The following GRAMD1B variants were observed in gnomAD, a reference collection of about 807,000 sequenced individuals.
The protein encoded by GRAMD1B is protein Aster-B.
GRAMD1B carries 37 observed loss-of-function variants against 99.7 expected under a neutral mutation model. The observed-to-expected ratio is 0.37, with a 90% CI of 0.29 to 0.49. The LOEUF is 0.49. Among genes scored for constraint, GRAMD1B ranks in the 20% least tolerant of loss-of-function variants. GRAMD1B has a pLI of 0.98. For synonymous variants in GRAMD1B, 427 were observed against 387.6 expected (o/e 1.10, Z -1.19); for missense variants, 888 against 1,009.2 (o/e 0.88, Z 1.63).
chr11:123,586,481 T>C (rs895037283), intron 4 of GRAMD1B, among the ~76,000 whole-genome samples: 5 of 152,184 alleles, frequency 3.3e-5, no homozygotes, highest in Non-Finnish European at 7.3e-5. Flanking sequence ...CACAAGGGGC[T>C]CTTTGCTGAG....
chr11:123,495,022 A>G (rs1939069785), intron 2 of GRAMD1B, among the ~76,000 whole-genome samples: 1 of 151,996 alleles, frequency 6.6e-6, no homozygotes, highest in Non-Finnish European at 1.5e-5. Context: ...CTAGGTATTG[A>G]GGAAGTCATT....
At chr11:123,379,340 G>A (rs1435022947) in intron 1 of GRAMD1B, among the ~76,000 whole-genome samples, 8 of 152,098 alleles carry the variant, frequency 5.3e-5, no homozygotes, top group African/African-American at 1.7e-4. Flanking sequence ...TACCTGACAA[G>A]GCAGGCCATT....
intron 2 of GRAMD1B, among the ~76,000 whole-genome samples, chr11:123,552,591 G>T (rs964155702): frequency 3.3e-5 from 5 of 152,160 alleles, no homozygotes; most frequent in Non-Finnish European, 7.4e-5. Flanking sequence ...AAACCAAAAA[G>T]ATTACAGTAA....
rs780409933 is a variant in GRAMD1B, at chr11:123,622,548, C to T, written c.2587C>T (p.Arg863Cys). The part of the protein sequence containing the change: ...LINLQNGIRS[R>C]DYTSESEEKR... ...CAACCTTCAGAACGGCATCAGGTCC[C>T]GCGACTACACGTCGGAAAGTGAAGA... Residue 863 changes from arginine to cysteine, a missense_variant, in exon 20 of 20, where the codon CGC becomes TGC. Around this residue, in one of 5 missense-constraint regions of GRAMD1B, gnomAD observed 232 missense variants for 261.7 expected, o/e 0.89. Coordinates refer to ENST00000635736, the MANE Select transcript of GRAMD1B (RefSeq NM_001387025.1). The T allele has an allele frequency of 4.5e-6, 7 of 1,557,706 alleles. No homozygotes were observed. Among genetic ancestry groups the T allele is most frequent in the Admixed American group, 3.8e-5 (2 of 52,008 alleles).
chr11:123,472,611 G>A (rs940923240), intron 1 of GRAMD1B, among the ~76,000 whole-genome samples: 1 of 152,192 alleles, frequency 6.6e-6, no homozygotes, highest in African/African-American at 2.4e-5. Flanking sequence ...CACCCAAATG[G>A]GAATTACGCC....
chr11:123,398,762 A>G (rs919648323), intron 1 of GRAMD1B, among the ~76,000 whole-genome samples: 1 of 152,152 alleles, frequency 6.6e-6, no homozygotes, highest in Non-Finnish European at 1.5e-5. Flanking sequence ...AAACAACTTT[A>G]GTGCGGTATG....
chr11:123,591,624 C>T lies in GRAMD1B; in HGVS notation c.685-2458C>T, dbSNP rs1417387770. The T allele has an allele frequency of 1.0e-5, 4 of 397,602 alleles. No individual in the cohort carries two copies. The highest frequency in any genetic ancestry group is 3.6e-5 in the East Asian group (1 of 28,036). 24.6% of individuals were successfully genotyped at this position (397,602 alleles called of 1,614,324 possible). A position where few individuals can be genotyped will look rare whatever the true frequency, so the allele number is the denominator to read the frequency against. Reference sequence around the variant, plus strand: ...CCACTTGGCTCTCCTACCCGAAGGCCCCAGATTTGACAATCTTGGAACCGA... The same window carrying T: ...CCACTTGGCTCTCCTACCCGAAGGCTCCAGATTTGACAATCTTGGAACCGA... On this transcript the variant is annotated intron_variant, in intron 4 of 19. Coordinates refer to ENST00000635736, the MANE Select transcript of GRAMD1B (RefSeq NM_001387025.1). The surrounding 1 kb of genome is among the most constrained non-coding windows in gnomAD (Gnocchi z 4.7).
chr11:123,366,262 A>G (rs1946316979), intron 1 of GRAMD1B, among the ~76,000 whole-genome samples: 1 of 152,228 alleles, frequency 6.6e-6, no homozygotes, highest in Non-Finnish European at 1.5e-5. Flanking sequence ...TGAATGATAT[A>G]TTTTGGCTTG....
At chr11:123,394,250 T>C (rs1011792959) in intron 1 of GRAMD1B, among the ~76,000 whole-genome samples, 2 of 152,256 alleles carry the variant, frequency 1.3e-5, no homozygotes, top group Admixed American at 6.5e-5. Flanking sequence ...TGTCCATTTT[T>C]TTATATTGGC....
At chr11:123,383,841 C>A (rs763593839) in intron 1 of GRAMD1B, among the ~76,000 whole-genome samples, 4 of 151,392 alleles carry the variant, frequency 2.6e-5, no homozygotes, top group Admixed American at 6.6e-5. Flanking sequence ...TCCATTAATG[C>A]ATCTATCCAT....
chr11:123,526,768 T>C (rs1217204952), intron 2 of GRAMD1B, among the ~76,000 whole-genome samples: 1 of 152,234 alleles, frequency 6.6e-6, no homozygotes, highest in Non-Finnish European at 1.5e-5. Context: ...TGCCTGTTCC[T>C]GGGCTTAATC....
At chr11:123,373,844 T>C (rs1356404739) in intron 1 of GRAMD1B, among the ~76,000 whole-genome samples, 1 of 152,230 alleles carries the variant, frequency 6.6e-6, no homozygotes, top group Non-Finnish European at 1.5e-5. Context: ...TTGAGATCCC[T>C]TAGTTTAGCT....
rs148666886 is a variant in GRAMD1B at position 123,419,750 on chromosome 11, T to TGAGAAA, written c.-176+60962_-176+60967dup. Reference sequence around the variant, plus strand: ...GTGTGTGTGTGTGTGTGTGTGTGAATGAGAAAGAGAAAGAGAGAGAGGGAG... The same window carrying TGAGAAA: ...GTGTGTGTGTGTGTGTGTGTGTGAATGAGAAAGAGAAAGAGAAAGAGAGAGAGGGAG... On this transcript the variant is annotated intron_variant, in intron 1 of 20. Coordinates refer to the GRAMD1B transcript ENST00000638157. Among the ~76,000 whole-genome samples the TGAGAAA allele has an allele frequency of 1.1e-3, 147 of 133,060 alleles. 4 individuals carry two copies. The highest frequency in any genetic ancestry group is 4.2e-3 in the Middle Eastern group (1 of 240). 87.3% of individuals were successfully genotyped at this position (133,060 alleles called of 152,430 possible). A position where few individuals can be genotyped will look rare whatever the true frequency, so the allele number is the denominator to read the frequency against.
chr11:123,424,253 C>CAAAAAAA (rs1029881122), intron 1 of GRAMD1B, among the ~76,000 whole-genome samples: 1 of 104,216 alleles, frequency 9.6e-6, no homozygotes. Context: ...CCCCCAACAC[C>CAAAAAAA]AAAAAAAAAA....
chr11:123,598,314 G>A, intron 7 of GRAMD1B: 1 of 1,246,016 alleles, frequency 8.0e-7, no homozygotes. Context: ...CAGGTTTTTG[G>A]GGTTGTAAAT....
Position 123,622,548 on chromosome 11 carries a change from C to G in GRAMD1B, c.2587C>G (p.Arg863Gly), listed in dbSNP as rs780409933. Reference sequence around the variant, plus strand: ...CAACCTTCAGAACGGCATCAGGTCCCGCGACTACACGTCGGAAAGTGAAGA... The same window carrying G: ...CAACCTTCAGAACGGCATCAGGTCCGGCGACTACACGTCGGAAAGTGAAGA... The part of the protein sequence containing the change: ...LINLQNGIRS[R>G]DYTSESEEKR... Residue 863 changes from arginine to glycine, a missense_variant, in exon 20 of 20, where the codon CGC becomes GGC. By Grantham distance (125) the Arg-to-Gly change is moderately radical. Coordinates refer to ENST00000635736, the MANE Select transcript of GRAMD1B (RefSeq NM_001387025.1). 2.6e-6 allele frequency: 4 copies of G among 1,557,706 alleles called. No individual in the cohort carries two copies. Among genetic ancestry groups the G allele is most frequent in the Non-Finnish European group, 2.6e-6 (3 of 1,150,844 alleles).
At chr11:123,522,876 C>T (rs1414190815) in intron 2 of GRAMD1B, among the ~76,000 whole-genome samples, 1 of 152,142 alleles carries the variant, frequency 6.6e-6, no homozygotes, top group Non-Finnish European at 1.5e-5. Context: ...TTCTTTTTCT[C>T]TTGGGAACAT....
chr11:123,396,468 G>A (rs370267803), intron 1 of GRAMD1B, among the ~76,000 whole-genome samples: 14 of 151,846 alleles, frequency 9.2e-5, no homozygotes, highest in Middle Eastern at 6.8e-3. Flanking sequence ...TAGAGATGGG[G>A]TTTCGCCATG....
At chr11:123,513,621 T>TTCCTTCCTTCCTTCCTTC (rs1306827051) in intron 2 of GRAMD1B, among the ~76,000 whole-genome samples, 36 of 36,250 alleles carry the variant, frequency 9.9e-4, no homozygotes, top group South Asian at 3.1e-3. Flanking sequence ...TTCCTTCCTT[T>TTCCTTCCTTCCTTCCTTC]CTTTCTTTCT....
Sources: gnomAD v4.1 joint callset for allele counts (sites outside exome capture counted in the v4.1 genomes callset) on GRCh38, gnomAD v4.1.1 for gene constraint, gnomAD v4.1.1 regional missense constraint, Gnocchi (gnomAD v3.1) non-coding constraint, MANE v1.5 for transcripts, NCBI Gene and HGNC (gene_info 2026-07-23, HGNC 2026-07-21) for gene names.